RNF145: variants seen among roughly 807,000 people sequenced by gnomAD.
RNF145 encodes the protein ring finger protein 145.
In RNF145, 12 loss-of-function variants were observed where a neutral mutation model predicts 57.3. That is an observed-to-expected ratio of 0.21 (90% CI 0.13 to 0.34). The LOEUF (loss-of-function observed/expected upper bound fraction) is 0.34, where lower values mean the gene tolerates loss of function less well. Among genes scored for constraint, RNF145 ranks in the 10% least tolerant of loss-of-function variants. The pLI is 1.00. For synonymous variants in RNF145, 262 were observed against 288.3 expected (o/e 0.91, Z 0.92); for missense variants, 429 against 799.0 (o/e 0.54, Z 5.58).
intron 3 of RNF145, among the ~76,000 whole-genome samples, chr5:159,190,277 G>A (rs539357104): frequency 1.3e-5 from 2 of 152,186 alleles, no homozygotes; most frequent in East Asian, 1.9e-4. Flanking sequence ...CAAGCAATCC[G>A]CCTGCCTTGG....
At chr5:159,169,908 T>C (rs1161597188) in intron 6 of RNF145, 89 bp from the exon 7 acceptor site, 22 of 1,046,556 alleles carry the variant, frequency 2.1e-5, no homozygotes, top group Non-Finnish European at 2.9e-5. Context: ...CCAAGCTTGA[T>C]TTGATACTCA....
At chr5:159,168,589 T>A (rs568936201) in intron 8 of RNF145, among the ~76,000 whole-genome samples, 34 of 152,274 alleles carry the variant, frequency 2.2e-4, no homozygotes, top group African/African-American at 7.5e-4. Flanking sequence ...TGGACAAATA[T>A]AAAAAGTATT....
chr5:159,166,960 AAAAT>A (rs57272070), intron 8 of RNF145, among the ~76,000 whole-genome samples: 2 of 152,066 alleles, frequency 1.3e-5, no homozygotes, highest in South Asian at 2.1e-4. Context: ...TCCATCTCTA[AAAAT>A]AAATAAATAA....
In RNF145 at chr5:159,159,038, A is replaced by G. The variant is rs181290665; in HGVS notation, c.1627-3T>C. 403 of 1,605,450 alleles carry G rather than the reference A, an allele frequency of 2.5e-4. 1 individual carries two copies. In the African/African-American group the frequency reaches 4.8e-3, roughly 19 times the overall value. On this transcript the variant is annotated splice_polypyrimidine_tract_variant and splice_region_variant and intron_variant, in intron 10 of 10. Coordinates refer to ENST00000424310, the MANE Select transcript of RNF145 (RefSeq NM_001199383.2). Reference sequence around the variant, plus strand: ...GTGATCACAGCAGATTTCATGTCCTAAAAGAGGGGGAAAAAAGATACCTTA... The same window carrying G: ...GTGATCACAGCAGATTTCATGTCCTGAAAGAGGGGGAAAAAAGATACCTTA...
intron 8 of RNF145, among the ~76,000 whole-genome samples, chr5:159,165,277 T>C (rs1204150107): frequency 6.6e-6 from 1 of 152,250 alleles, no homozygotes; most frequent in Non-Finnish European, 1.5e-5. Flanking sequence ...ACGAAACCAC[T>C]ATCTTGAATC....
chr5:159,172,960 T>C (rs942829614), intron 6 of RNF145, among the ~76,000 whole-genome samples: 10 of 152,172 alleles, frequency 6.6e-5, no homozygotes, highest in Admixed American at 3.9e-4. Context: ...CCAAGATGTA[T>C]ATTCATGTAC....
chr5:159,159,826 G>C (rs1784155315), intron 10 of RNF145, among the ~76,000 whole-genome samples: 1 of 152,188 alleles, frequency 6.6e-6, no homozygotes, highest in Non-Finnish European at 1.5e-5. Context: ...AAGTTATAAA[G>C]ACATAACGTT....
chr5:159,190,681 CAAAAAAAA>C (rs58247587), intron 3 of RNF145, among the ~76,000 whole-genome samples: 11 of 87,302 alleles, frequency 1.3e-4, no homozygotes, highest in African/African-American at 4.9e-4. Flanking sequence ...ACAACCATCT[CAAAAAAAA>C]AAAAAAAAAA....
chr5:159,208,148 C>G, intron 1 of RNF145: 1 of 1,419,446 alleles, frequency 7.0e-7, no homozygotes, highest in Non-Finnish European at 9.2e-7. Context: ...CTGCAGATCT[C>G]AGATGCGTTT....
intron 3 of RNF145, among the ~76,000 whole-genome samples, chr5:159,183,583 TA>T: frequency 6.6e-6 from 1 of 152,266 alleles, no homozygotes; most frequent in African/African-American, 2.4e-5. Flanking sequence ...TTAAAAGAAT[TA>T]TGAAATTAGA....
intron 4 of RNF145, among the ~76,000 whole-genome samples, chr5:159,177,920 G>A (rs1365336475): frequency 6.6e-6 from 1 of 151,970 alleles, no homozygotes; most frequent in Non-Finnish European, 1.5e-5. Flanking sequence ...TTGGTGAAAT[G>A]TTCACATTCT....
In RNF145 at chr5:159,161,422, G is replaced by C. The variant is rs145294544; in HGVS notation, c.1470C>G (p.Ile490Met). Reference protein sequence around the residue: ...GEWTVMGSMIIFIHSYYNVWL... With the variant: ...GEWTVMGSMIMFIHSYYNVWL... Reference sequence around the variant, plus strand: ...ACACGTTATAGTAGGAATGAATGAAGATGATCATTGAGCCCATCACTGTCC... The same window carrying C: ...ACACGTTATAGTAGGAATGAATGAACATGATCATTGAGCCCATCACTGTCC... The change falls in exon 10 of 11, where the codon ATC (isoleucine) becomes ATG (methionine). Residue 490 changes from isoleucine to methionine, a missense_variant. Physicochemically the swap from Ile to Met is conservative, Grantham distance 10 (BLOSUM62 1). Coordinates refer to ENST00000424310, the MANE Select transcript of RNF145 (RefSeq NM_001199383.2). The C allele has an allele frequency of 3.1e-6, 5 of 1,614,146 alleles. No individual in the cohort carries two copies. The highest frequency in any genetic ancestry group is 3.4e-6 in the Non-Finnish European group (4 of 1,180,014).
chr5:159,200,560 C>T (rs1785627446), intron 2 of RNF145, among the ~76,000 whole-genome samples: 1 of 151,920 alleles, frequency 6.6e-6, no homozygotes, highest in South Asian at 2.1e-4. Context: ...TAAAAATAAA[C>T]CCACAAAAAT....
At chr5:159,162,482 C>T (rs1034641616) in intron 9 of RNF145, among the ~76,000 whole-genome samples, 24 of 145,460 alleles carry the variant, frequency 1.6e-4, no homozygotes, top group Non-Finnish European at 3.1e-4. Flanking sequence ...GGCCGGACTG[C>T]GGACTGCAGT....
At chr5:159,205,005 C>T (rs1241308689) in intron 1 of RNF145, among the ~76,000 whole-genome samples, 1 of 152,104 alleles carries the variant, frequency 6.6e-6, no homozygotes, top group Non-Finnish European at 1.5e-5. Flanking sequence ...ATTATAGTGA[C>T]AGATTGCTAT....
intron 7 of RNF145, 140 bp downstream of exon 7, chr5:159,169,539 A>T: frequency 1.6e-6 from 1 of 613,406 alleles, no homozygotes; most frequent in South Asian, 2.7e-5. Context: ...TAGTATTTTA[A>T]CCCAAATGTT....
intron 6 of RNF145, among the ~76,000 whole-genome samples, chr5:159,171,000 T>C (rs1784532729): frequency 1.3e-5 from 2 of 152,176 alleles, no homozygotes; most frequent in Admixed American, 1.3e-4. Context: ...TGCAGCTCCA[T>C]GCTTCTATAT....
intron 3 of RNF145, among the ~76,000 whole-genome samples, chr5:159,191,803 T>G (rs1332118771): frequency 6.6e-6 from 1 of 152,078 alleles, no homozygotes; most frequent in Non-Finnish European, 1.5e-5. Flanking sequence ...AATTTCCTAG[T>G]TATGAAAATA....
At chr5:159,163,589 G>C (rs1784300073) in intron 8 of RNF145, among the ~76,000 whole-genome samples, 1 of 152,212 alleles carries the variant, frequency 6.6e-6, no homozygotes, top group South Asian at 2.1e-4. Flanking sequence ...GTAAGTGGGA[G>C]ACATGACTGA....
Sources: allele counts gnomAD v4.1 joint callset (sites outside exome capture counted in the v4.1 genomes callset), GRCh38; gene constraint gnomAD v4.1.1; transcripts MANE v1.5; gene names NCBI Gene and HGNC (gene_info 2026-07-23, HGNC 2026-07-21).